ZNF208: variants seen among roughly 807,000 people sequenced by gnomAD.
ZNF208 encodes zinc finger protein 208, also known as zinc finger protein 95.
ZNF208 carries 10 observed loss-of-function variants against 12.1 expected under a neutral mutation model. That is an observed-to-expected ratio of 0.83 (90% confidence interval 0.51 to 1.40). The LOEUF is 1.40. Ranked by LOEUF, ZNF208 falls within the 40% of genes most tolerant of loss-of-function variation. The probability of loss-of-function intolerance (pLI) is 0.00; values close to 1 mark genes in which losing one functional copy is unlikely to be tolerated. For synonymous variants in ZNF208, 497 were observed against 488.4 expected, an observed-to-expected ratio of 1.02 and a Z score of -0.23; for missense variants, 1,652 against 1,485.0, an observed-to-expected ratio of 1.11 and a Z score of -1.85.
intron 1 of ZNF208, among the ~76,000 whole-genome samples, chr19:22,006,750 C>T (rs1032948255): frequency 1.3e-5 from 2 of 152,166 alleles, no homozygotes; most frequent in Non-Finnish European, 2.9e-5. Flanking sequence ...GAGTCATTCA[C>T]TTAGTTTTTG....
chr19:21,992,582 T>TTC (rs1337748577), intron 1 of ZNF208, among the ~76,000 whole-genome samples: 1 of 152,218 alleles, frequency 6.6e-6, no homozygotes, highest in African/African-American at 2.4e-5. Context: ...ACATTATATG[T>TTC]TCTGTCTTCA....
rs1258097467 is a variant in ZNF208, at chr19:21,988,989, TA to T, written c.4-81del. On this transcript the variant is annotated intron_variant, in intron 1 of 3. Transcript: ENST00000397126. ...TTGACTCAAGGTAAAATGCAGAGAG[TA>T]AAGAGAGCTGGTTCTGACTTATAAG... 3.8e-6 allele frequency: 6 copies of T among 1,568,866 alleles called. No homozygotes were observed. In the African/African-American group the frequency reaches 8.3e-5, roughly 22 times the overall value.
chr19:21,948,506 A>G (rs1969845801), intron 4 of ZNF208, among the ~76,000 whole-genome samples: 1 of 152,132 alleles, frequency 6.6e-6, no homozygotes, highest in African/African-American at 2.4e-5. Flanking sequence ...CAATACCCAT[A>G]TATCATCAGC....
chr19:21,974,823 A>G lies in ZNF208; in HGVS notation c.227-16T>C. 1 of 1,515,546 alleles carries G rather than the reference A, an allele frequency of 6.6e-7. No individual in the cohort carries two copies. Among genetic ancestry groups the G allele is most frequent in the Non-Finnish European group, 8.8e-7 (1 of 1,136,178 alleles). 93.9% of individuals were successfully genotyped at this position (1,515,546 alleles called of 1,614,324 possible). On this transcript the variant is annotated splice_polypyrimidine_tract_variant and intron_variant, in intron 3 of 3. Coordinates refer to ENST00000397126, the MANE Select transcript of ZNF208 (RefSeq NM_007153.3). Reference sequence around the variant, plus strand: ...GAACATATAACTGAAAAGAAATAAAAATCACAAATTAGCCTACTTATTAGA... The same window carrying G: ...GAACATATAACTGAAAAGAAATAAAGATCACAAATTAGCCTACTTATTAGA...
At chr19:21,990,781 T>C (rs912143545) in intron 1 of ZNF208, among the ~76,000 whole-genome samples, 2 of 152,146 alleles carry the variant, frequency 1.3e-5, no homozygotes, top group Non-Finnish European at 2.9e-5. Flanking sequence ...TTTTATTTCA[T>C]TGAGCAGTGG....
chr19:21,953,824 CTCTA>C (rs1384765151), intron 4 of ZNF208, among the ~76,000 whole-genome samples: 2 of 151,782 alleles, frequency 1.3e-5, no homozygotes, highest in Non-Finnish European at 3.0e-5. Flanking sequence ...TTTTTTGTGT[CTCTA>C]TCTCTTTCAT....
chr19:22,004,389 G>A (rs1201168180), intron 1 of ZNF208, among the ~76,000 whole-genome samples: 5 of 151,660 alleles, frequency 3.3e-5, no homozygotes, highest in Non-Finnish European at 7.4e-5. Context: ...GGTGGCACAC[G>A]CCTGTAATCC....
intron 3 of ZNF208, among the ~76,000 whole-genome samples, chr19:21,978,844 G>A (rs1970482419): frequency 6.6e-6 from 1 of 152,188 alleles, no homozygotes; most frequent in African/African-American, 2.4e-5. Flanking sequence ...AAAAAGGTTA[G>A]ATGAATTGCT....
At chr19:21,959,517 G>C (rs1970029943) in intron 4 of ZNF208, among the ~76,000 whole-genome samples, 1 of 152,192 alleles carries the variant, frequency 6.6e-6, no homozygotes, top group Admixed American at 6.5e-5. Context: ...CTTTGTGAAT[G>C]TGAATAGACT....
At chr19:21,984,453 T>A (rs1599622871) in intron 3 of ZNF208, among the ~76,000 whole-genome samples, 2 of 152,200 alleles carry the variant, frequency 1.3e-5, no homozygotes, top group Middle Eastern at 3.4e-3. Flanking sequence ...CTCAGGAGGC[T>A]GAGGCAGGGG....
chr19:21,975,823 C>A (rs1268271545), intron 3 of ZNF208, among the ~76,000 whole-genome samples: 147 of 26,400 alleles, frequency 5.6e-3, no homozygotes, highest in Non-Finnish European at 8.5e-3. Context: ...AGTCAAAGTC[C>A]AAAAAAAAAA....
In ZNF208 at chr19:21,970,878, A is replaced by T; in HGVS notation, c.*313T>A. On this transcript the variant is annotated 3_prime_UTR_variant, in exon 4 of 4. Coordinates refer to ENST00000397126, the MANE Select transcript of ZNF208 (RefSeq NM_007153.3). ...TTTGTAGGGTTTCTCTCCAGTATGA[A>T]TTTTCTATGATAACTGAGGGTTGAG... 6.6e-7 allele frequency: 1 copy of T among 1,520,158 alleles called. No individual in the cohort carries two copies. Among genetic ancestry groups the T allele is most frequent in the Non-Finnish European group, 9.1e-7 (1 of 1,097,358 alleles). The allele number at this position is 1,520,158 out of a possible 1,614,324, so 94.2% of individuals were successfully genotyped here.
chr19:21,973,083 T>C lies in ZNF208; in HGVS notation c.1951A>G (p.Thr651Ala). 1 of 1,600,572 alleles carries C rather than the reference T, an allele frequency of 6.2e-7. No individual in the cohort carries two copies. The highest frequency in any genetic ancestry group is 8.5e-7 in the Non-Finnish European group (1 of 1,172,020). The change falls in exon 4 of 4, where the codon ACC (threonine) becomes GCC (alanine). Residue 651 changes from threonine (T) to alanine (A), a missense_variant. Around this residue, in one of 3 missense-constraint regions of ZNF208, gnomAD observed 1,239 missense variants for 1,086.2 expected, o/e 1.14. Coordinates refer to ENST00000397126, the MANE Select transcript of ZNF208 (RefSeq NM_007153.3). The part of the protein sequence containing the change: ...ECGKTFIKVS[T>A]LTTHKAIHAG... ...TGAATTGCCTTATGTGTAGTAAGGG[T>C]TGAGACCTTAATAAAGGTTTTGCCA...
At chr19:21,996,652 AC>A (rs2145576288) in intron 1 of ZNF208, among the ~76,000 whole-genome samples, 1 of 152,278 alleles carries the variant, frequency 6.6e-6, no homozygotes, top group South Asian at 2.1e-4. Context: ...AATAGGTGTT[AC>A]CTGAACATTT....
chr19:22,009,869 C>T (rs10410114), intron 1 of ZNF208, among the ~76,000 whole-genome samples: 63,035 of 151,898 alleles, frequency 0.41, 13,345 homozygotes, highest in East Asian at 0.48. Context: ...AACCAAGAAA[C>T]TTCCATCTTG....
intron 4 of ZNF208, among the ~76,000 whole-genome samples, chr19:21,953,978 A>C (rs576060974): frequency 6.6e-6 from 1 of 152,218 alleles, no homozygotes; most frequent in Admixed American, 6.5e-5. Context: ...ATTTAGTGCT[A>C]TAAATTTCCC....
Position 21,970,507 on chromosome 19 carries a change from A to G in ZNF208, c.*684T>C, listed in dbSNP as rs141876096. Among the ~76,000 whole-genome samples, 66 of 152,128 alleles carry G rather than the reference A, an allele frequency of 4.3e-4. No homozygotes were observed. Among genetic ancestry groups the G allele is most frequent in the African/African-American group, 1.5e-3 (63 of 41,510 alleles). On this transcript the variant is annotated 3_prime_UTR_variant, in exon 4 of 4. Coordinates refer to ENST00000397126, the MANE Select transcript of ZNF208 (RefSeq NM_007153.3). ...GAGAATTAATTAATAGTTTTGCCAC[A>G]TTTTTCATATTTGTAGGGTTTTTCC...
intron 4 of ZNF208, among the ~76,000 whole-genome samples, chr19:21,952,129 T>C (rs1404121614): frequency 1.3e-5 from 2 of 152,204 alleles, no homozygotes; most frequent in Non-Finnish European, 2.9e-5. Context: ...CTTGAGTAGC[T>C]AAACGAAGTG....
At chr19:21,978,438 G>A (rs181017326) in intron 3 of ZNF208, among the ~76,000 whole-genome samples, 8 of 152,338 alleles carry the variant, frequency 5.3e-5, no homozygotes, top group African/African-American at 1.2e-4. Flanking sequence ...ACAGGGTCTA[G>A]AGTAGACTTC....
Sources: allele counts gnomAD v4.1 joint callset (sites outside exome capture counted in the v4.1 genomes callset), GRCh38; gene constraint gnomAD v4.1.1; regional missense constraint gnomAD v4.1.1; transcripts MANE v1.5; gene names NCBI Gene and HGNC (gene_info 2026-07-23, HGNC 2026-07-21).